KATNAL2: variants seen among roughly 807,000 people sequenced by gnomAD.
KATNAL2 encodes katanin catalytic subunit A1 like 2.
A neutral mutation model predicts 76.3 loss-of-function variants in KATNAL2; 52 were observed. The ratio of observed to expected loss-of-function variants is 0.68; its 90% confidence interval spans 0.55 to 0.86. The LOEUF (loss-of-function observed/expected upper bound fraction) is 0.86. Among genes scored for constraint, KATNAL2 ranks in the 40% least tolerant of loss-of-function variants. The pLI, the probability that KATNAL2 is intolerant of heterozygous loss-of-function variation, is 0.00. For synonymous variants in KATNAL2, 243 were observed against 244.2 expected (o/e 1.00, Z 0.05); for missense variants, 660 against 668.9 (o/e 0.99, Z 0.15).
chr18:46,920,288 A>C (rs1282380567), intron 1 of KATNAL2: 1 of 353,782 alleles, frequency 2.8e-6, no homozygotes, highest in African/African-American at 2.1e-5. Context: ...AAGTAGATCA[A>C]GTGTGGACCC....
chr18:47,047,248 T>C (rs2061189721), intron 4 of KATNAL2, among the ~76,000 whole-genome samples: 3 of 152,186 alleles, frequency 2.0e-5, no homozygotes, highest in Admixed American at 2.0e-4. Flanking sequence ...TTGCCTCATT[T>C]ACCTAGATAT....
At chr18:46,918,781 C>G (rs1369580244) in intron 1 of KATNAL2, among the ~76,000 whole-genome samples, 1 of 152,100 alleles carries the variant, frequency 6.6e-6, no homozygotes, top group African/African-American at 2.4e-5. Context: ...ATTTCCCACT[C>G]TCTTCTTTGT....
In KATNAL2 at chr18:46,927,223, T is replaced by C. The variant is rs556035988; in HGVS notation, c.-510+9297T>C. ...GGCATGTTTTTGCAGTGGCTGGTAC[T>C]GGTTGTTCCTTTCCATGTTTAGTGC... On this transcript the variant is annotated intron_variant, in intron 1 of 17. Coordinates refer to ENST00000683218, the MANE Select transcript of KATNAL2 (RefSeq NM_001387690.1). 2.0e-5 allele frequency among the ~76,000 whole-genome samples: 3 copies of C among 152,284 alleles called. No homozygotes were observed. The South Asian group carries it at 6.2e-4, about 32-fold the overall frequency.
At chr18:46,967,814 G>A (rs2060176481) in intron 3 of KATNAL2, among the ~76,000 whole-genome samples, 2 of 114,908 alleles carry the variant, frequency 1.7e-5, no homozygotes, top group Non-Finnish European at 1.9e-5. Flanking sequence ...CAGGGGTTCT[G>A]GCTGAAAAGA....
At chr18:46,940,783 G>T (rs757662476) in intron 1 of KATNAL2, among the ~76,000 whole-genome samples, 4 of 152,162 alleles carry the variant, frequency 2.6e-5, no homozygotes, top group Non-Finnish European at 4.4e-5. Context: ...CAGCATTTTG[G>T]GAGGCCGAGT....
intron 1 of KATNAL2, among the ~76,000 whole-genome samples, chr18:46,937,559 A>T (rs544765760): frequency 6.6e-6 from 1 of 152,174 alleles, no homozygotes; most frequent in Non-Finnish European, 1.5e-5. Flanking sequence ...CTTTTTCACC[A>T]AGCTGCATAT....
chr18:47,065,248 C>A (rs1257958118), intron 10 of KATNAL2, among the ~76,000 whole-genome samples: 1 of 152,094 alleles, frequency 6.6e-6, no homozygotes, highest in African/African-American at 2.4e-5. Flanking sequence ...TCACTTGAGG[C>A]CAGGGGTTTG....
In KATNAL2 at chr18:47,038,265, G is replaced by A. The variant is rs150417917; in HGVS notation, c.52-8192G>A. 7.8e-4 allele frequency among the ~76,000 whole-genome samples: 118 copies of A among 152,176 alleles called. 1 individual carries two copies. Among genetic ancestry groups the A allele is most frequent in the African/African-American group, 2.8e-3 (115 of 41,516 alleles). On this transcript the variant is annotated intron_variant, in intron 3 of 17. Transcript: ENST00000683218. ...CTCTGTCTCAAGAATTAGAGCTTTTGCTTTCTTATTTATCCTGATTAACTG... is the reference window on the plus strand; with the variant it reads ...CTCTGTCTCAAGAATTAGAGCTTTTACTTTCTTATTTATCCTGATTAACTG...
At chr18:47,035,317 G>C (rs1370760367) in intron 3 of KATNAL2, 3 of 1,609,742 alleles carry the variant, frequency 1.9e-6, no homozygotes, top group Middle Eastern at 2.2e-4. Flanking sequence ...CTCTGTCTTT[G>C]GGGCTGCGGG....
At chr18:46,942,461 A>G (rs539936242) in intron 1 of KATNAL2, among the ~76,000 whole-genome samples, 4 of 152,256 alleles carry the variant, frequency 2.6e-5, no homozygotes, top group South Asian at 2.1e-4. Context: ...CTAAAATACA[A>G]AAATTAGCCG....
chr18:47,033,850 G>T, intron 3 of KATNAL2: 1 of 1,614,086 alleles, frequency 6.2e-7, no homozygotes, highest in South Asian at 1.1e-5. Flanking sequence ...ATCGTAGTTG[G>T]CCTGCATCCA....
In KATNAL2 at chr18:47,071,410, G is replaced by T. The variant is rs368100386; in HGVS notation, c.1008+1810G>T. On this transcript the variant is annotated intron_variant, in intron 13 of 17. Transcript: ENST00000683218. ...TTGGTACGGGGAAGAGTGTCAGGGG[G>T]AACAGGGAGAGGTTCTGGAACCAAT... Among the ~76,000 whole-genome samples, 8 of 152,106 alleles carry T rather than the reference G, an allele frequency of 5.3e-5. No homozygotes were observed. In the East Asian group the frequency reaches 5.8e-4, roughly 11 times the overall value.
At chr18:46,925,340 C>A (rs2058695894) in intron 1 of KATNAL2, among the ~76,000 whole-genome samples, 1 of 152,142 alleles carries the variant, frequency 6.6e-6, no homozygotes, top group Admixed American at 6.6e-5. Context: ...TTGAGATAAT[C>A]ATGTGGTTTT....
At chr18:46,967,478 G>GGT (rs71906626) in intron 3 of KATNAL2, among the ~76,000 whole-genome samples, 2,723 of 101,650 alleles carry the variant, frequency 0.027, 12 homozygotes, top group African/African-American at 0.074. Flanking sequence ...TTTACTTAAT[G>GGT]GTGTGTGTGT....
intron 15 of KATNAL2, among the ~76,000 whole-genome samples, chr18:47,089,048 T>C (rs2062892229): frequency 6.6e-6 from 1 of 152,244 alleles, no homozygotes; most frequent in African/African-American, 2.4e-5. Context: ...TGAGTCTTTA[T>C]GTGGTGGGCC....
chr18:47,066,847 T>TTTTA (rs1319765780), intron 10 of KATNAL2, among the ~76,000 whole-genome samples, 174 bp from the exon 11 acceptor site: 2 of 29,594 alleles, frequency 6.8e-5, no homozygotes, highest in African/African-American at 1.1e-4. Flanking sequence ...ATATATGTGT[T>TTTTA]TATATATATA....
intron 3 of KATNAL2, among the ~76,000 whole-genome samples, chr18:46,960,155 G>A (rs368199481): frequency 2.5e-4 from 38 of 152,264 alleles, no homozygotes; most frequent in African/African-American, 8.2e-4. Flanking sequence ...CCAAAAAAGC[G>A]GCTGGGCACT....
intron 16 of KATNAL2, 135 bp downstream of exon 16, chr18:47,099,540 G>A: frequency 1.3e-6 from 1 of 753,112 alleles, no homozygotes; most frequent in Non-Finnish European, 2.0e-6. Context: ...GTAATGCAAT[G>A]GGCATCTTCA....
At chr18:47,078,516 G>A (rs1357626091) in intron 15 of KATNAL2, among the ~76,000 whole-genome samples, 2 of 152,122 alleles carry the variant, frequency 1.3e-5, no homozygotes, top group East Asian at 1.9e-4. Flanking sequence ...ACAGAGAACC[G>A]TCATTGAAAT....
Sources: gnomAD v4.1 joint callset for allele counts (sites outside exome capture counted in the v4.1 genomes callset) on GRCh38, gnomAD v4.1.1 for gene constraint, MANE v1.5 for transcripts, NCBI Gene and HGNC (gene_info 2026-07-23, HGNC 2026-07-21) for gene names.